The following GPAT4 variants were observed in gnomAD, a reference collection of about 807,000 sequenced individuals.
GPAT4 encodes 1-AGP acyltransferase 6.
Under a neutral mutation model 58.0 loss-of-function variants are expected in GPAT4, and 17 were observed. That is an observed-to-expected ratio of 0.29 (90% CI 0.20 to 0.44). The LOEUF (loss-of-function observed/expected upper bound fraction) is 0.44, where lower values mean the gene tolerates loss of function less well. GPAT4 is among the 20% of genes least tolerant of loss of function. GPAT4 has a pLI of 1.00. For missense variants in GPAT4, 377 were observed against 574.5 expected, an observed-to-expected ratio of 0.66 and a Z score of 3.51; for synonymous variants, 204 against 210.1, an observed-to-expected ratio of 0.97 and a Z score of 0.25.
intron 4 of GPAT4, 181 bp downstream of exon 4, chr8:41,610,136 C>A: frequency 7.1e-7 from 1 of 1,414,268 alleles, no homozygotes; most frequent in Non-Finnish European, 9.2e-7. Context: ...CCCTTGGATT[C>A]TCTGCATATC....
In GPAT4 at chr8:41,623,012, A is replaced by T. The variant is rs959811481; in HGVS notation, c.*2011A>T. 1 of 132,812 alleles carries T rather than the reference A, an allele frequency of 7.5e-6. No individual in the cohort carries two copies. Among genetic ancestry groups the T allele is most frequent in the Non-Finnish European group, 1.6e-5 (1 of 61,564 alleles). 8.2% of individuals were successfully genotyped at this position (132,812 alleles called of 1,614,324 possible). A position where few individuals can be genotyped will look rare whatever the true frequency, so the allele number is the denominator to read the frequency against. ...ATGGTTTGTTACTTTCGTGATTTGC[A>T]TAGGTATTTATATATACACACACAC... On this transcript the variant is annotated 3_prime_UTR_variant, in exon 13 of 13. Transcript: ENST00000396987.
intron 1 of GPAT4, among the ~76,000 whole-genome samples, chr8:41,596,715 G>T (rs942760750): frequency 6.6e-6 from 1 of 152,232 alleles, no homozygotes; most frequent in Non-Finnish European, 1.5e-5. Flanking sequence ...CTAAGGGGCT[G>T]CCTTGGCCTT....
At chr8:41,611,837 G>C in intron 5 of GPAT4, 66 bp from the exon 6 acceptor site, 1 of 1,496,600 alleles carries the variant, frequency 6.7e-7, no homozygotes. Flanking sequence ...AGCTGTTGAA[G>C]TCAGTAACTC....
chr8:41,584,160 A>G (rs13282880), intron 1 of GPAT4, among the ~76,000 whole-genome samples: 85,115 of 152,078 alleles, frequency 0.56, 24,510 homozygotes, highest in Middle Eastern at 0.71. Context: ...GCCTCCCAGA[A>G]TGCTGAAATT....
At chr8:41,582,335 AC>A (rs1401144109) in intron 1 of GPAT4, among the ~76,000 whole-genome samples, 1 of 152,010 alleles carries the variant, frequency 6.6e-6, no homozygotes, top group Non-Finnish European at 1.5e-5. Flanking sequence ...GGACACATAG[AC>A]TAGACAGTAA....
chr8:41,618,597 A>T, intron 10 of GPAT4, 87 bp from the exon 11 acceptor site: 3 of 1,531,340 alleles, frequency 2.0e-6, no homozygotes, highest in Non-Finnish European at 2.7e-6. Flanking sequence ...AGCACGGCCC[A>T]GTGGAGTCAC....
chr8:41,612,293 C>T lies in GPAT4; in HGVS notation c.795+20C>T, dbSNP rs753775235. 105 of 1,612,640 alleles carry T rather than the reference C, an allele frequency of 6.5e-5. No individual in the cohort carries two copies. The highest frequency in any genetic ancestry group is 2.2e-4 in the East Asian group (10 of 44,886). ...GCCATGGTAAGAGCTCTTTCCGGTGCGTTCTTGAGGCAAGACTTCCTGCTT... is the reference window on the plus strand; with the variant it reads ...GCCATGGTAAGAGCTCTTTCCGGTGTGTTCTTGAGGCAAGACTTCCTGCTT... On this transcript the variant is annotated intron_variant, in intron 7 of 12. Transcript: ENST00000396987.
intron 1 of GPAT4, among the ~76,000 whole-genome samples, chr8:41,583,136 G>C (rs960729099): frequency 3.9e-5 from 6 of 152,006 alleles, no homozygotes; most frequent in African/African-American, 1.2e-4. Context: ...TGAGGCACGA[G>C]AATTGCTTGA....
At chr8:41,579,698 C>T (rs1054177268) in intron 1 of GPAT4, among the ~76,000 whole-genome samples, 4 of 152,050 alleles carry the variant, frequency 2.6e-5, no homozygotes, top group Non-Finnish European at 5.9e-5. Context: ...ATTAGCCGGA[C>T]GTGGTGGCAA....
In GPAT4 at chr8:41,598,998, A is replaced by T; in HGVS notation, c.-142A>T. 9.0e-7 allele frequency: 1 copy of T among 1,108,678 alleles called. No homozygotes were observed. 68.7% of individuals were successfully genotyped at this position (1,108,678 alleles called of 1,614,324 possible). ...CCCAGGCCTTCTATTCAGGCGGTTG[A>T]AGGGTGTGGACTTTGGAATGGGGTT... On this transcript the variant is annotated 5_prime_UTR_variant, in exon 2 of 13. The change abolishes the stop of an existing upstream ORF in the 5' untranslated region. Transcript: ENST00000396987.
At chr8:41,610,698 A>G in intron 4 of GPAT4, 38 bp from the exon 5 acceptor site, 2 of 1,594,978 alleles carry the variant, frequency 1.3e-6, no homozygotes, top group Admixed American at 1.7e-5. Flanking sequence ...TGGTAGAATG[A>G]TTTGCTGGCT....
intron 2 of GPAT4, among the ~76,000 whole-genome samples, chr8:41,607,402 G>T (rs577259662): frequency 6.6e-6 from 1 of 152,332 alleles, no homozygotes; most frequent in Admixed American, 6.5e-5. Flanking sequence ...CACAGAGCCT[G>T]CAGGCGTCTT....
chr8:41,594,134 G>A (rs969674550), intron 1 of GPAT4, among the ~76,000 whole-genome samples: 19 of 151,954 alleles, frequency 1.3e-4, no homozygotes, highest in Non-Finnish European at 1.5e-5. Context: ...ATAATTTTTT[G>A]TTAAAGAGCA....
At chr8:41,608,218 C>A (rs1263156634) in intron 2 of GPAT4, among the ~76,000 whole-genome samples, 1 of 152,244 alleles carries the variant, frequency 6.6e-6, no homozygotes, top group Non-Finnish European at 1.5e-5. Context: ...ACTGATTAAA[C>A]TCGCGTGCAG....
intron 4 of GPAT4, 73 bp from the exon 5 acceptor site, chr8:41,610,663 A>G (rs2150501634): frequency 1.3e-6 from 2 of 1,589,028 alleles, no homozygotes; most frequent in Non-Finnish European, 1.7e-6. Context: ...GCCCCCTTTG[A>G]TTTTCACACC....
chr8:41,588,357 G>T (rs1000448970), intron 1 of GPAT4, among the ~76,000 whole-genome samples: 3 of 152,176 alleles, frequency 2.0e-5, no homozygotes, highest in African/African-American at 4.8e-5. Flanking sequence ...AAAAGTATTT[G>T]ATTCTGCATT....
At chr8:41,595,511 G>A (rs1802906119) in intron 1 of GPAT4, among the ~76,000 whole-genome samples, 1 of 152,214 alleles carries the variant, frequency 6.6e-6, no homozygotes, top group African/African-American at 2.4e-5. Context: ...TGATAGGAAG[G>A]CTACAGGTTG....
intron 1 of GPAT4, among the ~76,000 whole-genome samples, chr8:41,588,617 G>T (rs553290774): frequency 6.6e-6 from 1 of 151,512 alleles, no homozygotes; most frequent in Non-Finnish European, 1.5e-5. Flanking sequence ...AACTTTTTGT[G>T]TGCTTGTTTC....
intron 10 of GPAT4, among the ~76,000 whole-genome samples, chr8:41,617,107 A>C (rs1252568329): frequency 6.6e-6 from 1 of 152,206 alleles, no homozygotes. Context: ...CACGCCTGTA[A>C]TCCCAGCACT....
Sources: gnomAD v4.1 joint callset for allele counts (sites outside exome capture counted in the v4.1 genomes callset) on GRCh38, gnomAD v4.1.1 for gene constraint, MANE v1.5 for transcripts, NCBI Gene and HGNC (gene_info 2026-07-23, HGNC 2026-07-21) for gene names.